The following ZMYM2 variants were observed in gnomAD, a reference collection of about 807,000 sequenced individuals.
ZMYM2 encodes zinc finger MYM-type protein 2.
ZMYM2 carries 56 observed loss-of-function variants against 162.8 expected under a neutral mutation model. The observed-to-expected ratio is 0.34, with a 90% CI of 0.28 to 0.43. ZMYM2 has a LOEUF of 0.43. Ranked by LOEUF, ZMYM2 falls within the 20% of genes least tolerant of loss-of-function variation. The pLI is 1.00. For synonymous variants in ZMYM2, 510 were observed against 541.6 expected (o/e 0.94, Z 0.81); for missense variants, 1,275 against 1,621.8 (o/e 0.79, Z 3.67).
chr13:20,042,879 A>G (rs1954398984), intron 12 of ZMYM2, among the ~76,000 whole-genome samples: 1 of 152,078 alleles, frequency 6.6e-6, no homozygotes, highest in Non-Finnish European at 1.5e-5. Context: ...ACATGCCACA[A>G]CACCCAGCTC....
Position 20,061,204 on chromosome 13 carries a change from C to T in ZMYM2, c.2891C>T (p.Thr964Ile). 1 of 1,613,716 alleles carries T rather than the reference C, an allele frequency of 6.2e-7. No homozygotes were observed. The highest frequency in any genetic ancestry group is 8.5e-7 in the Non-Finnish European group (1 of 1,179,798). ...ATGATGAGTGAAGACGAGGGGAAAA[C>T]AGAGACAACCAACATCAACAGTGAG... ...TDMMSEDEGK[T>I]ETTNINSVII... The change falls in exon 17 of 25, where the codon ACA becomes ATA. Residue 964 changes from threonine (T) to isoleucine (I), a missense_variant. Thr to Ile is a moderately conservative substitution (Grantham distance 89, BLOSUM62 -1). Coordinates refer to ENST00000610343, the MANE Select transcript of ZMYM2 (RefSeq NM_197968.4).
intron 2 of ZMYM2, among the ~76,000 whole-genome samples, chr13:19,974,354 T>A (rs1229106072): frequency 6.6e-6 from 1 of 152,232 alleles, no homozygotes; most frequent in Non-Finnish European, 1.5e-5. Flanking sequence ...TTAGAGTTGC[T>A]TCATTGTTTT....
chr13:19,976,810 C>G (rs1956837690), intron 2 of ZMYM2, among the ~76,000 whole-genome samples: 1 of 152,218 alleles, frequency 6.6e-6, no homozygotes, highest in South Asian at 2.1e-4. Flanking sequence ...TGTTTAAGCC[C>G]CTTCCATTTC....
upstream of ZMYM2, chr13:19,958,713 GCCTCCTCCGCCT>G (rs895070825): frequency 6.5e-6 from 1 of 153,518 alleles, no homozygotes; most frequent in Non-Finnish European, 1.4e-5. Context: ...CCGCGCCGCC[GCCTCCTCCGCCT>G]CCTCCTCCTC....
chr13:20,082,345 C>T (rs889260551), intron 22 of ZMYM2, among the ~76,000 whole-genome samples: 24 of 152,270 alleles, frequency 1.6e-4, no homozygotes, highest in African/African-American at 5.8e-4. Context: ...ATGTAATCTA[C>T]TTTCTCTGGA....
intron 4 of ZMYM2, among the ~76,000 whole-genome samples, chr13:20,003,357 C>T (rs1416032253): frequency 6.6e-6 from 1 of 152,130 alleles, no homozygotes; most frequent in Non-Finnish European, 1.5e-5. Flanking sequence ...GATTTTGTAA[C>T]AATACATACT....
At chr13:19,980,636 C>T (rs1489482752) in intron 2 of ZMYM2, among the ~76,000 whole-genome samples, 1 of 150,834 alleles carries the variant, frequency 6.6e-6, no homozygotes, top group Non-Finnish European at 1.5e-5. Flanking sequence ...GCCTGTAATC[C>T]TAGCTACTTG....
chr13:19,937,874 T>G, the ZMYM2 span, among the ~76,000 whole-genome samples: 1 of 147,936 alleles, frequency 6.8e-6, no homozygotes, highest in Admixed American at 7.0e-5. Flanking sequence ...CACCTATGAG[T>G]GAGAACATGT....
At chr13:20,063,144 T>TA (rs1391800671) in intron 18 of ZMYM2, among the ~76,000 whole-genome samples, 173 bp downstream of exon 18, 7 of 152,040 alleles carry the variant, frequency 4.6e-5, no homozygotes, top group Non-Finnish European at 1.0e-4. Context: ...TGTTTTTTTT[T>TA]AAAAACCCAC....
intron 2 of ZMYM2, among the ~76,000 whole-genome samples, chr13:19,992,620 T>C (rs1366219780): frequency 6.6e-6 from 1 of 151,926 alleles, no homozygotes; most frequent in Non-Finnish European, 1.5e-5. Context: ...CTTTATATGA[T>C]ACAGTGAATA....
chr13:20,061,353 A>T, intron 17 of ZMYM2, 129 bp downstream of exon 17: 1 of 812,258 alleles, frequency 1.2e-6, no homozygotes, highest in Admixed American at 6.0e-5. Context: ...CATTGTAACA[A>T]AAATGTTTTT....
At chr13:19,878,514 G>GCC in the ZMYM2 span, among the ~76,000 whole-genome samples, 16 of 100,300 alleles carry the variant, frequency 1.6e-4, no homozygotes, top group African/African-American at 5.7e-4. Flanking sequence ...CAATTCCTTT[G>GCC]CCCTTTTTTT....
chr13:19,920,970 T>C, the ZMYM2 span, among the ~76,000 whole-genome samples: 605 of 151,760 alleles, frequency 4.0e-3, 4 homozygotes, highest in Non-Finnish European at 5.7e-3. Context: ...GGAGTTTCTC[T>C]GTGTTGGCCA....
At chr13:19,968,087 C>T (rs1362259599) in intron 2 of ZMYM2, among the ~76,000 whole-genome samples, 1 of 152,178 alleles carries the variant, frequency 6.6e-6, no homozygotes, top group Non-Finnish European at 1.5e-5. Context: ...TCTGCACTGT[C>T]AACACTATAA....
At chr13:19,887,836 TGCCTCA>T in the ZMYM2 span, among the ~76,000 whole-genome samples, 1 of 151,892 alleles carries the variant, frequency 6.6e-6, no homozygotes, top group Non-Finnish European at 1.5e-5. Flanking sequence ...TTGCTCGAAC[TGCCTCA>T]TCTTTATTTA....
chr13:19,885,891 G>GTATATACACACATATA, the ZMYM2 span, among the ~76,000 whole-genome samples: 4 of 99,626 alleles, frequency 4.0e-5, no homozygotes, highest in Non-Finnish European at 6.2e-5. Context: ...ACATATATAT[G>GTATATACACACATATA]TGTATACACA....
intron 12 of ZMYM2, among the ~76,000 whole-genome samples, chr13:20,038,758 T>C (rs1394287704): frequency 6.6e-6 from 1 of 152,110 alleles, no homozygotes; most frequent in African/African-American, 2.4e-5. Flanking sequence ...CTTGGCTATT[T>C]GGGCTCTTTT....
chr13:19,912,097 T>C, the ZMYM2 span, among the ~76,000 whole-genome samples: 1 of 152,168 alleles, frequency 6.6e-6, no homozygotes. Context: ...CTTGAGCAAA[T>C]TGACACATCT....
At chr13:19,885,771 C>T in the ZMYM2 span, among the ~76,000 whole-genome samples, 1 of 150,128 alleles carries the variant, frequency 6.7e-6, no homozygotes, top group South Asian at 2.1e-4. Context: ...CTCTTGAACC[C>T]AGGAGGCAGA....
Sources: allele counts gnomAD v4.1 joint callset (sites outside exome capture counted in the v4.1 genomes callset), GRCh38; gene constraint gnomAD v4.1.1; transcripts MANE v1.5; gene names NCBI Gene and HGNC (gene_info 2026-07-23, HGNC 2026-07-21).